Variants in C2CD5 observed in about 807,000 individuals in gnomAD.
The protein encoded by C2CD5 is C2 calcium dependent domain containing 5.
Under a neutral mutation model 130.3 loss-of-function variants are expected in C2CD5, and 109 were observed. The observed-to-expected ratio is 0.84, with a 90% CI of 0.72 to 0.98. The LOEUF (loss-of-function observed/expected upper bound fraction) is 0.98. C2CD5 is among the 50% of genes least tolerant of loss of function. The pLI is 0.00. For synonymous variants in C2CD5, 454 were observed against 429.2 expected (o/e 1.06, Z -0.71); for missense variants, 996 against 1,261.8 (o/e 0.79, Z 3.19).
chr12:22,513,351 T>C lies in C2CD5; in HGVS notation c.981A>G (p.Glu327=), dbSNP rs1949396848. Reference sequence around the variant, plus strand: ...TTAAAAGAGCTTTAAAGGGCCCCCCTTCTTTTCCAGCACTACCACTTCCCA... The same window carrying C: ...TTAAAAGAGCTTTAAAGGGCCCCCCCTCTTTTCCAGCACTACCACTTCCCA... The part of the protein sequence containing the change: ...TGMGSGSAGK[E]GGPFKALLRQ... The change falls in exon 9 of 27, where the codon GAA becomes GAG. Residue 327 remains glutamate (E), a synonymous_variant. Coordinates refer to ENST00000446597, the MANE Select transcript of C2CD5 (RefSeq NM_001286176.2). 1.9e-6 allele frequency: 3 copies of C among 1,612,188 alleles called. No homozygotes were observed. In the South Asian group the frequency reaches 3.3e-5, roughly 18 times the overall value.
At chr12:22,520,839 G>C (rs749503195) in intron 7 of C2CD5, among the ~76,000 whole-genome samples, 4 of 151,454 alleles carry the variant, frequency 2.6e-5, no homozygotes, top group African/African-American at 4.8e-5. Flanking sequence ...ACATCAAAAA[G>C]AAAAAAACTT....
chr12:22,508,756 A>AT (rs975466473), intron 9 of C2CD5, among the ~76,000 whole-genome samples: 72 of 151,454 alleles, frequency 4.8e-4, no homozygotes, highest in Middle Eastern at 3.4e-3. Flanking sequence ...GGTCTTTCAG[A>AT]TTTTTTTTTC....
At chr12:22,494,453 T>C (rs1019251335) in intron 10 of C2CD5, among the ~76,000 whole-genome samples, 7 of 152,202 alleles carry the variant, frequency 4.6e-5, no homozygotes, top group African/African-American at 9.6e-5. Context: ...ACTAGTAAAA[T>C]AGTGAAGACA....
Position 22,490,215 on chromosome 12 carries a change from T to C in C2CD5, c.1266A>G (p.Glu422=). The C allele has an allele frequency of 1.2e-6, 2 of 1,609,306 alleles. No individual in the cohort carries two copies. Among genetic ancestry groups the C allele is most frequent in the Non-Finnish European group, 1.7e-6 (2 of 1,176,006 alleles). ...VGYSESTSIC[E]EVCILSASGT... Reference sequence around the variant, plus strand: ...CAGATGCAGATAAAATGCAGACCTCTTCACTATAAAGGAAAAAACACAAAC... The same window carrying C: ...CAGATGCAGATAAAATGCAGACCTCCTCACTATAAAGGAAAAAACACAAAC... The change falls in exon 12 of 27, where the codon GAA becomes GAG. Residue 422 remains glutamate, a synonymous_variant. Transcript: ENST00000446597.
intron 11 of C2CD5, 120 bp downstream of exon 11, chr12:22,493,103 C>T (rs1415424770): frequency 3.6e-6 from 2 of 552,310 alleles, no homozygotes; most frequent in African/African-American, 1.9e-5. Context: ...TAATGTACTC[C>T]AAGGCCCATG....
intron 11 of C2CD5, among the ~76,000 whole-genome samples, chr12:22,492,270 G>A (rs553789029): frequency 5.3e-4 from 80 of 152,248 alleles, no homozygotes; most frequent in Admixed American, 2.0e-3. Context: ...AACTTCTGAA[G>A]GGCTGAAAGT....
At chr12:22,544,267 C>T (rs1388051470) in intron 1 of C2CD5, 53 bp downstream of exon 1, 5 of 859,058 alleles carry the variant, frequency 5.8e-6, no homozygotes. Flanking sequence ...AGCGAAGGAG[C>T]GCGCGGGGGC....
In C2CD5 at chr12:22,518,101, G is replaced by C. The variant is rs1949931692; in HGVS notation, c.837C>G (p.His279Gln). Residue 279 changes from histidine (H) to glutamine (Q), a missense_variant, in exon 8 of 27, where the codon CAC (histidine) becomes CAG (glutamine). Physicochemically the swap from His to Gln is conservative, Grantham distance 24. Coordinates refer to ENST00000446597, the MANE Select transcript of C2CD5 (RefSeq NM_001286176.2). Reference sequence around the variant, plus strand: ...TCAGAGGGGTTGAGGGTCCTGATGAGTGAGTATTGGGATTGGGATCTTCAT... The same window carrying C: ...TCAGAGGGGTTGAGGGTCCTGATGACTGAGTATTGGGATTGGGATCTTCAT... ...PFNEDPNPNT[H>Q]SSGPSTPLKN... 5 of 1,613,698 alleles carry C rather than the reference G, an allele frequency of 3.1e-6. No individual in the cohort carries two copies. The highest frequency in any genetic ancestry group is 3.4e-6 in the Non-Finnish European group (4 of 1,179,640).
intron 9 of C2CD5, among the ~76,000 whole-genome samples, chr12:22,510,250 C>T: frequency 6.6e-6 from 1 of 152,012 alleles, no homozygotes. Flanking sequence ...TCAGCACAAG[C>T]ACATCCCGCT....
At chr12:22,541,362 T>C (rs1259179279) in intron 2 of C2CD5, among the ~76,000 whole-genome samples, 1 of 152,240 alleles carries the variant, frequency 6.6e-6, no homozygotes. Context: ...TGATTTCTAC[T>C]CTTTCCCCTT....
At chr12:22,519,012 A>G (rs1950028696) in intron 7 of C2CD5, 1 of 1,002,244 alleles carries the variant, frequency 1.0e-6, no homozygotes, top group Non-Finnish European at 1.4e-6. Context: ...AGGATGAAGC[A>G]AAGATTTATG....
At chr12:22,468,681 T>C (rs1942502366) in intron 22 of C2CD5, among the ~76,000 whole-genome samples, 1 of 152,106 alleles carries the variant, frequency 6.6e-6, no homozygotes, top group African/African-American at 2.4e-5. Flanking sequence ...TTTTGGGTGA[T>C]CACAAAAAGG....
Position 22,478,394 on chromosome 12 carries a change from A to G in C2CD5, c.1821T>C (p.Tyr607=). The G allele has an allele frequency of 6.2e-7, 1 of 1,613,206 alleles. No individual in the cohort carries two copies. Among genetic ancestry groups the G allele is most frequent in the Non-Finnish European group, 8.5e-7 (1 of 1,179,192 alleles). ...TCTGCATATGAGAGATGTGTTGTTC[A>G]TATGAGCCATCATTAGGAGTCTTCC... The part of the protein sequence containing the change: ...IAGKTPNDGS[Y]EQHISHMQKK... Residue 607 remains tyrosine, a synonymous_variant, in exon 15 of 27, where the codon TAT becomes TAC. Transcript: ENST00000446597.
At chr12:22,453,628 C>G (rs1021467560) in intron 26 of C2CD5, among the ~76,000 whole-genome samples, 1 of 152,086 alleles carries the variant, frequency 6.6e-6, no homozygotes, top group African/African-American at 2.4e-5. Flanking sequence ...TAAACACCTA[C>G]CAACAAGAGG....
chr12:22,491,239 C>T (rs997797575), intron 11 of C2CD5, among the ~76,000 whole-genome samples: 2 of 152,156 alleles, frequency 1.3e-5, no homozygotes, highest in Non-Finnish European at 2.9e-5. Context: ...GGTAAATTAA[C>T]TGAACTCATT....
At chr12:22,496,758 C>T (rs890427549) in intron 10 of C2CD5, among the ~76,000 whole-genome samples, 33 of 151,206 alleles carry the variant, frequency 2.2e-4, no homozygotes, top group African/African-American at 8.0e-4. Context: ...TGGGTCAAAA[C>T]TCTTTGTAGA....
At chr12:22,474,963 A>AG in intron 15 of C2CD5, 72 bp from the exon 16 acceptor site, 1 of 963,040 alleles carries the variant, frequency 1.0e-6, no homozygotes, top group South Asian at 2.4e-5. Context: ...TCTTTATATT[A>AG]GTAGACACCT....
chr12:22,504,952 A>C (rs1210404128), intron 10 of C2CD5, among the ~76,000 whole-genome samples: 2 of 152,140 alleles, frequency 1.3e-5, no homozygotes, highest in Non-Finnish European at 2.9e-5. Context: ...CAAAAATAAG[A>C]AACGGGGGGA....
At chr12:22,497,849 A>C (rs967047812) in intron 10 of C2CD5, among the ~76,000 whole-genome samples, 33 of 151,872 alleles carry the variant, frequency 2.2e-4, no homozygotes, top group African/African-American at 2.4e-5. Context: ...TTAGAAAGTC[A>C]AATGTGCAAT....
Sources: gnomAD v4.1 joint callset for allele counts (sites outside exome capture counted in the v4.1 genomes callset) on GRCh38, gnomAD v4.1.1 for gene constraint, MANE v1.5 for transcripts, NCBI Gene and HGNC (gene_info 2026-07-23, HGNC 2026-07-21) for gene names.